Variants in CHN1 observed in about 807,000 individuals in gnomAD.
CHN1 encodes N-chimaerin.
CHN1 carries 37 observed loss-of-function variants against 59.5 expected under a neutral mutation model. That is an observed-to-expected ratio of 0.62 (90% CI 0.48 to 0.82). CHN1 has a LOEUF of 0.82. Ranked by LOEUF, CHN1 falls within the 40% of genes least tolerant of loss-of-function variation. The probability of loss-of-function intolerance (pLI) is 0.00; values close to 1 mark genes in which losing one functional copy is unlikely to be tolerated. For synonymous variants in CHN1, 206 were observed against 200.4 expected (o/e 1.03, Z -0.24); for missense variants, 469 against 571.0 (o/e 0.82, Z 1.82).
At chr2:174,940,960 T>C (rs1322982566) in intron 3 of CHN1, among the ~76,000 whole-genome samples, 7 of 152,228 alleles carry the variant, frequency 4.6e-5, no homozygotes, top group Non-Finnish European at 8.8e-5. Flanking sequence ...ATTTTAAGTG[T>C]CATTTCTTCT....
intron 5 of CHN1, among the ~76,000 whole-genome samples, chr2:174,895,049 GCACACA>G (rs751627983): frequency 3.9e-5 from 5 of 129,234 alleles, no homozygotes; most frequent in African/African-American, 1.2e-4. Flanking sequence ...ACACACGCGC[GCACACA>G]CACACACACA....
intron 6 of CHN1, chr2:174,847,713 A>G (rs1484213236): frequency 3.5e-6 from 4 of 1,142,890 alleles, no homozygotes; most frequent in African/African-American, 1.8e-5. Flanking sequence ...GTATTCCTAA[A>G]CTCACTCTGT....
At chr2:174,877,434 A>G (rs553667156) in intron 6 of CHN1, among the ~76,000 whole-genome samples, 1 of 152,184 alleles carries the variant, frequency 6.6e-6, no homozygotes, top group African/African-American at 2.4e-5. Flanking sequence ...GAACACAACT[A>G]TTTATAAAGT....
intron 3 of CHN1, among the ~76,000 whole-genome samples, chr2:174,940,269 C>T (rs1484926409): frequency 6.6e-6 from 1 of 152,130 alleles, no homozygotes; most frequent in African/African-American, 2.4e-5. Context: ...TCTCGTGATC[C>T]ACCCGCCTTA....
At chr2:175,004,815 C>G in intron 1 of CHN1, 79 bp downstream of exon 1, 1 of 952,946 alleles carries the variant, frequency 1.0e-6, no homozygotes, top group Non-Finnish European at 1.3e-6. Context: ...TCCCCGGGCG[C>G]CCAGGCCCCC....
intron 6 of CHN1, among the ~76,000 whole-genome samples, chr2:174,852,017 C>G (rs1286274316): frequency 6.6e-6 from 1 of 151,954 alleles, no homozygotes; most frequent in African/African-American, 2.4e-5. Context: ...TGGCTCACAC[C>G]TGTAATCCCA....
At chr2:174,814,174 C>T (rs1044475282) in intron 8 of CHN1, among the ~76,000 whole-genome samples, 3 of 152,174 alleles carry the variant, frequency 2.0e-5, no homozygotes, top group African/African-American at 7.2e-5. Context: ...TCAAGGGAAG[C>T]TGGGTCTCTG....
At chr2:174,955,100 TATATAG>T (rs1558996395) in intron 1 of CHN1, among the ~76,000 whole-genome samples, 8 of 150,066 alleles carry the variant, frequency 5.3e-5, no homozygotes, top group African/African-American at 1.7e-4. Context: ...TATATCTATA[TATATAG>T]ATCTATAGAT....
At chr2:174,955,091 A>T (rs1009431050) in intron 1 of CHN1, among the ~76,000 whole-genome samples, 1 of 150,490 alleles carries the variant, frequency 6.6e-6, no homozygotes, top group Admixed American at 6.6e-5. Context: ...ATACATCTAT[A>T]TATCTATATA....
intron 3 of CHN1, among the ~76,000 whole-genome samples, chr2:174,942,331 A>G (rs1402293654): frequency 2.6e-5 from 4 of 152,190 alleles, no homozygotes; most frequent in Non-Finnish European, 5.9e-5. Flanking sequence ...TTCAGCCATT[A>G]AAAAGAATGA....
At chr2:174,935,398 T>C (rs931191921) in intron 3 of CHN1, among the ~76,000 whole-genome samples, 2 of 152,222 alleles carry the variant, frequency 1.3e-5, no homozygotes, top group Non-Finnish European at 2.9e-5. Flanking sequence ...CTAACAGATA[T>C]AGGTATTAAT....
At chr2:174,996,155 G>A (rs1247948815) in intron 1 of CHN1, among the ~76,000 whole-genome samples, 1 of 152,144 alleles carries the variant, frequency 6.6e-6, no homozygotes, top group Non-Finnish European at 1.5e-5. Flanking sequence ...ACCTCCCAAA[G>A]GAGAAGCAAA....
At chr2:174,836,244 A>C (rs1686073442) in intron 7 of CHN1, among the ~76,000 whole-genome samples, 1 of 152,220 alleles carries the variant, frequency 6.6e-6, no homozygotes, top group South Asian at 2.1e-4. Flanking sequence ...CAGTTGTCAC[A>C]GTTCTATACT....
At chr2:174,908,795 C>T (rs935125313) in intron 5 of CHN1, among the ~76,000 whole-genome samples, 2 of 152,094 alleles carry the variant, frequency 1.3e-5, no homozygotes, top group East Asian at 3.9e-4. Flanking sequence ...CAGTGAAGAG[C>T]AAGCCCCTCC....
At chr2:174,955,103 A>C (rs183071565) in intron 1 of CHN1, among the ~76,000 whole-genome samples, 6,132 of 149,168 alleles carry the variant, frequency 0.041, 445 homozygotes, top group African/African-American at 0.14. Flanking sequence ...ATCTATATAT[A>C]TAGATCTATA....
intron 7 of CHN1, among the ~76,000 whole-genome samples, chr2:174,829,521 A>G (rs1269884612): frequency 1.3e-5 from 2 of 152,252 alleles, no homozygotes; most frequent in Middle Eastern, 3.2e-3. Flanking sequence ...AGAAACTGAA[A>G]AAGAAATCCA....
chr2:174,901,421 C>T (rs1410851897), intron 5 of CHN1, among the ~76,000 whole-genome samples: 1 of 152,170 alleles, frequency 6.6e-6, no homozygotes, highest in Non-Finnish European at 1.5e-5. Context: ...GAAAAGCCTT[C>T]CCTGATTGCA....
At chr2:174,953,966 A>G (rs1354584596) in intron 1 of CHN1, among the ~76,000 whole-genome samples, 1 of 152,192 alleles carries the variant, frequency 6.6e-6, no homozygotes, top group Non-Finnish European at 1.5e-5. Context: ...TGGAACCAAA[A>G]GAGAGCCTGC....
chr2:174,930,770 T>A (rs965883589), intron 3 of CHN1, among the ~76,000 whole-genome samples: 1 of 149,050 alleles, frequency 6.7e-6, no homozygotes, highest in Non-Finnish European at 1.5e-5. Flanking sequence ...TATAGCTGAT[T>A]TTTTTTTTTT....
Sources: allele counts gnomAD v4.1 joint callset (sites outside exome capture counted in the v4.1 genomes callset), GRCh38; gene constraint gnomAD v4.1.1; transcripts MANE v1.5; gene names NCBI Gene and HGNC (gene_info 2026-07-23, HGNC 2026-07-21).